The following GSTO2 variants were observed in gnomAD, a reference collection of about 807,000 sequenced individuals.
GSTO2 encodes the protein glutathione S-transferase omega-2.
GSTO2 carries 23 observed loss-of-function variants against 28.4 expected under a neutral mutation model. That is an observed-to-expected ratio of 0.81 (90% confidence interval 0.58 to 1.15). GSTO2 has a LOEUF of 1.15. Ranked by LOEUF, GSTO2 falls within the 50% of genes most tolerant of loss-of-function variation. The pLI, the probability that GSTO2 is intolerant of heterozygous loss-of-function variation, is 0.00. For synonymous variants in GSTO2, 109 were observed against 111.0 expected, an observed-to-expected ratio of 0.98 and a Z score of 0.11; for missense variants, 298 against 297.8, an observed-to-expected ratio of 1.00 and a Z score of 0.00.
intron 5 of GSTO2, among the ~76,000 whole-genome samples, chr10:104,293,563 A>ATTTTTTTTTTT (rs397787244): frequency 0.011 from 899 of 81,564 alleles, 148 homozygotes; most frequent in African/African-American, 0.037. Context: ...CGCCTGGCCA[A>ATTTTTTTTTTT]TTTTTTTTTT....
Position 104,297,625 on chromosome 10 carries a change from C to G in GSTO2, c.516C>G (p.Ser172=). The part of the protein sequence containing the change: ...NTTFFGGTCI[S]MIDYLLWPWF... The stretch of plus-strand genomic sequence containing the variant: ...CCTTCTTTGGTGGAACCTGTATATC[C>G]ATGATTGATTACCTCCTCTGGCCCT... The change falls in exon 6 of 7, where the codon TCC becomes TCG. Residue 172 remains serine, a synonymous_variant. Transcript: ENST00000338595. 6.2e-7 allele frequency: 1 copy of G among 1,613,680 alleles called. No homozygotes were observed. Among genetic ancestry groups the G allele is most frequent in the Non-Finnish European group, 8.5e-7 (1 of 1,179,724 alleles).
intron 3 of GSTO2, among the ~76,000 whole-genome samples, chr10:104,275,787 G>T (rs2011604187): frequency 6.6e-6 from 1 of 152,192 alleles, no homozygotes; most frequent in African/African-American, 2.4e-5. Flanking sequence ...ACCCATGTGC[G>T]TTCTCGAGGG....
chr10:104,286,280 G>T (rs550477800), intron 5 of GSTO2, among the ~76,000 whole-genome samples: 3 of 152,270 alleles, frequency 2.0e-5, no homozygotes, highest in Non-Finnish European at 4.4e-5. Flanking sequence ...CCCTGTGGCT[G>T]TACGCAGCCA....
intron 1 of GSTO2, among the ~76,000 whole-genome samples, chr10:104,271,775 A>G (rs1476746029): frequency 6.6e-6 from 1 of 152,246 alleles, no homozygotes; most frequent in Non-Finnish European, 1.5e-5. Flanking sequence ...GTGGGAATGA[A>G]AAAACAAAAC....
intron 5 of GSTO2, chr10:104,285,808 A>G (rs2012389344): frequency 1.9e-5 from 4 of 205,766 alleles, no homozygotes. Flanking sequence ...ATCAAAAAAG[A>G]CATTTATTCA....
chr10:104,278,107 A>G lies in GSTO2; in HGVS notation c.357A>G (p.Leu119=), dbSNP rs141797686. 763 of 1,612,810 alleles carry G rather than the reference A, an allele frequency of 4.7e-4. No individual in the cohort carries two copies. Among genetic ancestry groups the G allele is most frequent in the Non-Finnish European group, 6.2e-4 (728 of 1,179,098 alleles). ...CTCGCCAAAAGATGTTATTGGAGCT[A>G]TTTTGTAAGGTATATTCAATTTAAA... ...ERARQKMLLE[L]FCKVPHLTKE... The change falls in exon 4 of 7, where the codon CTA becomes CTG. Residue 119 remains leucine, a synonymous_variant. Coordinates refer to ENST00000338595, the MANE Select transcript of GSTO2 (RefSeq NM_183239.2).
At chr10:104,286,204 G>A (rs888231233) in intron 5 of GSTO2, among the ~76,000 whole-genome samples, 4 of 151,862 alleles carry the variant, frequency 2.6e-5, no homozygotes, top group South Asian at 2.1e-4. Context: ...ATTTCAGAGC[G>A]TTTTTTTTAT....
chr10:104,298,071 T>C (rs1297634742), intron 6 of GSTO2, among the ~76,000 whole-genome samples: 1 of 152,200 alleles, frequency 6.6e-6, no homozygotes, highest in Non-Finnish European at 1.5e-5. Context: ...CATGTCTCAT[T>C]GCCCGGAGGA....
chr10:104,294,857 C>G (rs1282859556), intron 5 of GSTO2: 4 of 152,166 alleles, frequency 2.6e-5, no homozygotes, highest in Admixed American at 6.5e-5. Context: ...AAATGGAAAG[C>G]TTTAGAGATA....
rs768279768 is a variant in GSTO2 at position 104,272,587 on chromosome 10, C to CTTTTTTTTT, written c.-231-2062_-231-2054dup. ...GAATCAAAATAGAACAGTTATGGGA[C>CTTTTTTTTT]TTTTTTTTTTTTTTTTTTTTTTTTT... On this transcript the variant is annotated intron_variant, in intron 1 of 6. Transcript: ENST00000338595. 4.6e-3 allele frequency among the ~76,000 whole-genome samples: 226 copies of CTTTTTTTTT among 49,304 alleles called. 59 individuals are homozygous for CTTTTTTTTT. The highest frequency in any genetic ancestry group is 6.9e-3 in the Non-Finnish European group (182 of 26,484). The allele number at this position is 49,304 out of a possible 152,430, so 32.3% of individuals were successfully genotyped here.
intron 5 of GSTO2, among the ~76,000 whole-genome samples, chr10:104,285,479 G>A (rs1055591074): frequency 1.1e-4 from 16 of 151,532 alleles, no homozygotes; most frequent in East Asian, 1.9e-4. Context: ...AGTCAGGGTC[G>A]CACTCTGTCA....
intron 5 of GSTO2, among the ~76,000 whole-genome samples, chr10:104,284,714 G>T (rs1342163701): frequency 6.6e-6 from 1 of 152,180 alleles, no homozygotes; most frequent in Non-Finnish European, 1.5e-5. Context: ...GGATTTGAAT[G>T]TGGCAGGACC....
Position 104,299,153 on chromosome 10 carries a change from C to T in GSTO2, c.601C>T (p.Arg201Trp), listed in dbSNP as rs1297791574. 1.2e-5 allele frequency: 19 copies of T among 1,614,092 alleles called. No individual in the cohort carries two copies. Among genetic ancestry groups the T allele is most frequent in the Non-Finnish European group, 1.4e-5 (17 of 1,179,974 alleles). Residue 201 changes from arginine to tryptophan, a missense_variant, in exon 7 of 7, where the codon CGG becomes TGG. Transcript: ENST00000338595. ...CTGTGTGAGCCACACGCCAGCCCTG[C>T]GGCTCTGGATATCAGCCATGAAGTG... ...LDCVSHTPAL[R>W]LWISAMKWDP...
intron 1 of GSTO2, 120 bp from the exon 2 acceptor site, chr10:104,274,565 T>G (rs1411905433): frequency 5.1e-6 from 2 of 393,064 alleles, no homozygotes; most frequent in African/African-American, 4.2e-5. Flanking sequence ...TGTTGGAGTT[T>G]AAATGCCCAT....
rs528641459 is a variant in GSTO2, at chr10:104,276,564, A to G, written c.143+1230A>G. Among the ~76,000 whole-genome samples the G allele has an allele frequency of 2.6e-5, 4 of 152,346 alleles. No homozygotes were observed. In the South Asian group the frequency reaches 8.3e-4, roughly 32 times the overall value. ...TGCACTACCTTCAGTTGTGACAACA[A>G]AACCATGTCTCCAGACATAGTGATA... On this transcript the variant is annotated intron_variant, in intron 3 of 6. Transcript: ENST00000338595.
chr10:104,273,266 G>A (rs17116786), intron 1 of GSTO2, among the ~76,000 whole-genome samples: 11,288 of 152,212 alleles, frequency 0.074, 1,401 homozygotes, highest in African/African-American at 0.26. Flanking sequence ...GTAGCAAGCC[G>A]GGAACCAATA....
chr10:104,277,044 A>G (rs1009921576), intron 3 of GSTO2, among the ~76,000 whole-genome samples: 109 of 152,302 alleles, frequency 7.2e-4, no homozygotes, highest in African/African-American at 2.3e-3. Context: ...GGGTGTAATT[A>G]TTAGCCCCAT....
At position 104,269,910 on chromosome 10, in the gene GSTO2, G is replaced by T. The variant is rs191492217; in HGVS notation, c.-232+641G>T. Among the ~76,000 whole-genome samples, 10 of 152,194 alleles carry T rather than the reference G, an allele frequency of 6.6e-5. No individual in the cohort carries two copies. In the East Asian group the frequency reaches 1.9e-3, roughly 29 times the overall value. ...CAGCTAATAAATATTGAAGAGATTCGAATCTAGCCTGAACTCTTACAGTAA... is the reference window on the plus strand; with the variant it reads ...CAGCTAATAAATATTGAAGAGATTCTAATCTAGCCTGAACTCTTACAGTAA... On this transcript the variant is annotated intron_variant, in intron 1 of 6. Coordinates refer to ENST00000338595, the MANE Select transcript of GSTO2 (RefSeq NM_183239.2).
chr10:104,288,144 C>T (rs569157121), intron 5 of GSTO2, among the ~76,000 whole-genome samples: 2 of 152,252 alleles, frequency 1.3e-5, no homozygotes, highest in Admixed American at 1.3e-4. Flanking sequence ...TCTGCCTCGG[C>T]CTCCCAAAGT....
Sources: allele counts gnomAD v4.1 joint callset (sites outside exome capture counted in the v4.1 genomes callset), GRCh38; gene constraint gnomAD v4.1.1; transcripts MANE v1.5; gene names NCBI Gene and HGNC (gene_info 2026-07-23, HGNC 2026-07-21).